The following DNMBP variants were observed in gnomAD, a reference collection of about 807,000 sequenced individuals.
The protein encoded by DNMBP is dynamin-binding protein.
In DNMBP, 87 loss-of-function variants were observed where a neutral mutation model predicts 150.0. The observed-to-expected ratio is 0.58, with a 90% CI of 0.49 to 0.69. The LOEUF (loss-of-function observed/expected upper bound fraction) is 0.69. Ranked by LOEUF, DNMBP falls within the 30% of genes least tolerant of loss-of-function variation. The probability of loss-of-function intolerance (pLI) is 0.00; values close to 1 mark genes in which losing one functional copy is unlikely to be tolerated. For missense variants in DNMBP, 1,774 were observed against 1,949.0 expected, an observed-to-expected ratio of 0.91 and a Z score of 1.69; for synonymous variants, 711 against 750.4, an observed-to-expected ratio of 0.95 and a Z score of 0.86.
At position 99,956,580 on chromosome 10, in the gene DNMBP, T is replaced by C; in HGVS notation, c.894A>G (p.Lys298=). The C allele has an allele frequency of 6.2e-7, 1 of 1,614,150 alleles. No individual in the cohort carries two copies. The highest frequency in any genetic ancestry group is 8.5e-7 in the Non-Finnish European group (1 of 1,180,018). ...RTGIFPYRFV[K]LCPDTRVEET... The stretch of plus-strand genomic sequence containing the variant: ...CCTCCACCCGTGTGTCAGGACATAA[T>C]TTCACAAACCGGTAAGGAAAGATGC... The change falls in exon 4 of 17, where the codon AAA becomes AAG. Residue 298 remains lysine (K), a synonymous_variant. Transcript: ENST00000324109.
intron 3 of DNMBP, among the ~76,000 whole-genome samples, chr10:99,967,429 G>A (rs921435888): frequency 9.2e-5 from 14 of 152,100 alleles, no homozygotes; most frequent in African/African-American, 3.4e-4. Flanking sequence ...AGGAGGCTGA[G>A]GAAGGAGAAT....
chr10:99,989,969 G>A (rs1218745666), intron 1 of DNMBP, among the ~76,000 whole-genome samples: 1 of 152,092 alleles, frequency 6.6e-6, no homozygotes, highest in East Asian at 1.9e-4. Context: ...ACAGGGCAGG[G>A]ATTCTTTTTG....
intron 3 of DNMBP, among the ~76,000 whole-genome samples, chr10:99,960,217 T>TATC (rs751527679): frequency 7.9e-5 from 12 of 152,356 alleles, no homozygotes; most frequent in South Asian, 2.1e-4. Flanking sequence ...ACTCTAATTT[T>TATC]ATCAACTGTT....
chr10:99,936,827 C>T (rs2040238050), intron 4 of DNMBP, among the ~76,000 whole-genome samples: 1 of 152,140 alleles, frequency 6.6e-6, no homozygotes. Flanking sequence ...ACCTCAGCCT[C>T]CCTAGTAGCT....
chr10:100,000,451 C>G (rs1189606973), intron 1 of DNMBP, among the ~76,000 whole-genome samples: 1 of 152,202 alleles, frequency 6.6e-6, no homozygotes, highest in African/African-American at 2.4e-5. Context: ...GCAACACAAA[C>G]ATTCACATGC....
intron 7 of DNMBP, among the ~76,000 whole-genome samples, chr10:99,899,184 G>A (rs958908346): frequency 6.6e-6 from 1 of 151,430 alleles, no homozygotes; most frequent in African/African-American, 2.4e-5. Flanking sequence ...GTGAGACTCT[G>A]TCTCTCCAAA....
At chr10:99,976,568 T>C (rs2040729911) in intron 1 of DNMBP, among the ~76,000 whole-genome samples, 1 of 152,158 alleles carries the variant, frequency 6.6e-6, no homozygotes, top group Admixed American at 6.5e-5. Flanking sequence ...CTACCAAAAT[T>C]ATGTAAAGTT....
At chr10:99,881,416 T>C (rs1438423134) in intron 15 of DNMBP, among the ~76,000 whole-genome samples, 1 of 152,206 alleles carries the variant, frequency 6.6e-6, no homozygotes, top group Non-Finnish European at 1.5e-5. Context: ...TTGCCCAAGA[T>C]GACCAAGGGG....
intron 1 of DNMBP, among the ~76,000 whole-genome samples, chr10:99,998,042 T>C (rs1207349105): frequency 6.7e-6 from 1 of 148,894 alleles, no homozygotes; most frequent in Non-Finnish European, 1.5e-5. Context: ...AAGACCATCC[T>C]GGCTAACACA....
intron 4 of DNMBP, among the ~76,000 whole-genome samples, chr10:99,917,846 G>A (rs1362038992): frequency 2.0e-5 from 3 of 151,530 alleles, no homozygotes; most frequent in African/African-American, 4.9e-5. Flanking sequence ...CACCTGTAGT[G>A]TAGTCCCAGC....
intron 4 of DNMBP, among the ~76,000 whole-genome samples, chr10:99,940,952 T>C (rs1213676858): frequency 6.6e-6 from 1 of 152,192 alleles, no homozygotes; most frequent in African/African-American, 2.4e-5. Context: ...TGGCGCGATC[T>C]TGGCTCATTG....
rs1367555013 is a variant in DNMBP at position 99,969,367 on chromosome 10, T to C, written c.146-130A>G. ...TTGAAAACTCAGGGAATACTCATAATTGGAGAATCTGTTGGAGAAGAAGTA... is the reference window on the plus strand; with the variant it reads ...TTGAAAACTCAGGGAATACTCATAACTGGAGAATCTGTTGGAGAAGAAGTA... On this transcript the variant is annotated intron_variant, in intron 2 of 16. Transcript: ENST00000324109. The C allele has an allele frequency of 1.5e-5, 13 of 861,028 alleles. No individual in the cohort carries two copies. The East Asian group carries it at 2.9e-4, about 19-fold the overall frequency. 53.3% of individuals were successfully genotyped at this position (861,028 alleles called of 1,614,324 possible).
At chr10:99,896,934 G>A (rs1462631508) in intron 9 of DNMBP, among the ~76,000 whole-genome samples, 1 of 152,178 alleles carries the variant, frequency 6.6e-6, no homozygotes, top group Non-Finnish European at 1.5e-5. Context: ...CAGCAAAAAG[G>A]TATACCTGGT....
chr10:100,009,731 C>CGCGGCGCGTCTCTCGGGGT (rs2041112677), intron 1 of DNMBP, 107 bp downstream of exon 1: 1 of 150,760 alleles, frequency 6.6e-6, no homozygotes, highest in Non-Finnish European at 1.5e-5. Context: ...CGCGGCGCGG[C>CGCGGCGCGTCTCTCGGGGT]GCGGCGCGTC....
chr10:99,907,432 G>A (rs1426602610), intron 6 of DNMBP, among the ~76,000 whole-genome samples: 1 of 149,078 alleles, frequency 6.7e-6, no homozygotes, highest in Non-Finnish European at 1.5e-5. Flanking sequence ...GTCTTGCTCT[G>A]TACCCCAGGC....
intron 4 of DNMBP, among the ~76,000 whole-genome samples, chr10:99,913,470 A>G (rs1050020192): frequency 6.6e-6 from 1 of 152,206 alleles, no homozygotes; most frequent in African/African-American, 2.4e-5. Context: ...TGCCCTGTGC[A>G]GACTCTAAAA....
Position 99,888,885 on chromosome 10 carries a change from C to T in DNMBP, c.3225G>A (p.Arg1075=), listed in dbSNP as rs1311168955. 6.2e-7 allele frequency: 1 copy of T among 1,614,120 alleles called. No homozygotes were observed. Among genetic ancestry groups the T allele is most frequent in the Non-Finnish European group, 8.5e-7 (1 of 1,180,026 alleles). ...MWDVCMERGH[R]DLEQFERVHR... Reference sequence around the variant, plus strand: ...GCACCCTCTCAAACTGCTCCAGGTCCCGGTGTCCTCTCTCCATGCACACAT... The same window carrying T: ...GCACCCTCTCAAACTGCTCCAGGTCTCGGTGTCCTCTCTCCATGCACACAT... The change falls in exon 12 of 17, where the codon CGG becomes CGA. Residue 1075 remains arginine, a synonymous_variant. Coordinates refer to ENST00000324109, the MANE Select transcript of DNMBP (RefSeq NM_015221.4).
At chr10:99,932,958 G>C (rs1341962594) in intron 4 of DNMBP, among the ~76,000 whole-genome samples, 1 of 151,256 alleles carries the variant, frequency 6.6e-6, no homozygotes, top group Non-Finnish European at 1.5e-5. Context: ...GACTCTTTCT[G>C]ATGAAAAACA....
intron 3 of DNMBP, among the ~76,000 whole-genome samples, chr10:99,962,411 C>A (rs1330086314): frequency 6.6e-6 from 1 of 152,168 alleles, no homozygotes; most frequent in Non-Finnish European, 1.5e-5. Context: ...GCAGGGGGAT[C>A]ACGAGGTCAG....
Sources: allele counts gnomAD v4.1 joint callset (sites outside exome capture counted in the v4.1 genomes callset), GRCh38; gene constraint gnomAD v4.1.1; transcripts MANE v1.5; gene names NCBI Gene and HGNC (gene_info 2026-07-23, HGNC 2026-07-21).